Variants in UFL1 observed in about 807,000 individuals in gnomAD.
UFL1 encodes the protein UFM1 specific ligase 1.
A neutral mutation model predicts 99.3 loss-of-function variants in UFL1; 78 were observed. The observed-to-expected ratio is 0.79, with a 90% confidence interval of 0.65 to 0.95. UFL1 has a LOEUF of 0.95. UFL1 is among the 40% of genes least tolerant of loss of function. UFL1 has a pLI of 0.00. For synonymous variants in UFL1, 335 were observed against 322.2 expected (o/e 1.04, Z -0.42); for missense variants, 936 against 937.0 (o/e 1.00, Z 0.01).
chr6:96,539,804 T>C (rs555972601), intron 10 of UFL1, among the ~76,000 whole-genome samples: 28 of 151,628 alleles, frequency 1.8e-4, no homozygotes, highest in Non-Finnish European at 3.7e-4. Flanking sequence ...ACTTTTCTTC[T>C]TTCCTTGGGC....
chr6:96,523,403 C>T lies in UFL1; in HGVS notation c.223+112C>T, dbSNP rs923724149. 9 of 1,147,434 alleles carry T rather than the reference C, an allele frequency of 7.8e-6. No homozygotes were observed. In the African/African-American group the frequency reaches 1.3e-4, roughly 16 times the overall value. The allele number at this position is 1,147,434 out of a possible 1,614,324, so 71.1% of individuals were successfully genotyped here. ...TACTAAATTATAGATTGTAAGATAT[C>T]GTTTTCAATTGTTAATTTGATAATC... is the stretch of plus-strand genomic sequence containing the variant. On this transcript the variant is annotated intron_variant, in intron 2 of 18. Coordinates refer to ENST00000369278, the MANE Select transcript of UFL1 (RefSeq NM_015323.5).
intron 10 of UFL1, among the ~76,000 whole-genome samples, chr6:96,539,081 G>C (rs1055296192): frequency 6.6e-6 from 1 of 151,508 alleles, no homozygotes. Flanking sequence ...CCTGAGGTTG[G>C]TCCAACTTTA....
At chr6:96,547,533 G>A (rs1770017497) in intron 12 of UFL1, among the ~76,000 whole-genome samples, 1 of 151,682 alleles carries the variant, frequency 6.6e-6, no homozygotes, top group Middle Eastern at 3.4e-3. Flanking sequence ...GTTCTTTGAG[G>A]CATTATTCAC....
At chr6:96,524,655 C>T (rs1215382711) in intron 3 of UFL1, among the ~76,000 whole-genome samples, 1 of 152,016 alleles carries the variant, frequency 6.6e-6, no homozygotes, top group Non-Finnish European at 1.5e-5. Context: ...GCCAACTCTT[C>T]CCTAGTTGGC....
intron 13 of UFL1, among the ~76,000 whole-genome samples, 189 bp downstream of exon 13, chr6:96,548,470 G>A (rs1349406570): frequency 6.6e-6 from 1 of 151,566 alleles, no homozygotes; most frequent in African/African-American, 2.4e-5. Flanking sequence ...ATATTTGTTA[G>A]GTGCTTTGGG....
At position 96,551,530 on chromosome 6, in the gene UFL1, T is replaced by C; in HGVS notation, c.1899+17T>C. On this transcript the variant is annotated intron_variant, in intron 16 of 18. Transcript: ENST00000369278. ...AATGAAAAGGTAAGTAAAGTTTTATTCTATTTACATGTCAGGGCTAGCAGT... is the reference window on the plus strand; with the variant it reads ...AATGAAAAGGTAAGTAAAGTTTTATCCTATTTACATGTCAGGGCTAGCAGT... 3 of 1,445,736 alleles carry C rather than the reference T, an allele frequency of 2.1e-6. No homozygotes were observed. Among genetic ancestry groups the C allele is most frequent in the Non-Finnish European group, 2.8e-6 (3 of 1,066,660 alleles). 89.6% of individuals were successfully genotyped at this position (1,445,736 alleles called of 1,614,324 possible).
intron 10 of UFL1, among the ~76,000 whole-genome samples, chr6:96,540,221 T>C (rs1187888853): frequency 6.6e-6 from 1 of 151,414 alleles, no homozygotes; most frequent in African/African-American, 2.4e-5. Flanking sequence ...GGGCATCAAT[T>C]AAGCTGTGGT....
chr6:96,535,283 G>A (rs560728549), intron 7 of UFL1, among the ~76,000 whole-genome samples: 8 of 151,686 alleles, frequency 5.3e-5, no homozygotes, highest in African/African-American at 1.7e-4. Flanking sequence ...CTTTCTTTTT[G>A]CCAATCATCT....
chr6:96,534,482 A>G (rs1769826734), intron 7 of UFL1, among the ~76,000 whole-genome samples, 161 bp downstream of exon 7: 1 of 151,694 alleles, frequency 6.6e-6, no homozygotes, highest in African/African-American at 2.4e-5. Flanking sequence ...ATATGTACCT[A>G]TCTGTTACAC....
rs1198267052 is a variant in UFL1, at chr6:96,554,434, C to A, written c.*931C>A. On this transcript the variant is annotated 3_prime_UTR_variant, in exon 19 of 19. Coordinates refer to ENST00000369278, the MANE Select transcript of UFL1 (RefSeq NM_015323.5). ...AATCATTAGAAGCTTTTTTCCAAAA[C>A]TAGAAACCCTTATTAAAAAATAGAC... The A allele has an allele frequency of 6.6e-6, 1 of 151,896 alleles. No homozygotes were observed. Among genetic ancestry groups the A allele is most frequent in the Non-Finnish European group, 1.5e-5 (1 of 67,966 alleles). 9.4% of individuals were successfully genotyped at this position (151,896 alleles called of 1,614,324 possible).
At position 96,526,488 on chromosome 6, in the gene UFL1, G is replaced by A. The variant is rs1769704617; in HGVS notation, c.465+53G>A. Reference sequence around the variant, plus strand: ...GTCTTTTTACCAAAGGATTTTAAACGAAGACTTTGAATGGAAGGGGGAAAA... The same window carrying A: ...GTCTTTTTACCAAAGGATTTTAAACAAAGACTTTGAATGGAAGGGGGAAAA... On this transcript the variant is annotated intron_variant, in intron 5 of 18. Transcript: ENST00000369278. 7 of 1,435,196 alleles carry A rather than the reference G, an allele frequency of 4.9e-6. No individual in the cohort carries two copies. In the East Asian group the frequency reaches 6.9e-5, roughly 14 times the overall value. The allele number at this position is 1,435,196 out of a possible 1,614,324, so 88.9% of individuals were successfully genotyped here.
In UFL1 at chr6:96,528,593, A is replaced by G. The variant is rs903683987; in HGVS notation, c.557A>G (p.His186Arg). 6.8e-6 allele frequency: 11 copies of G among 1,613,826 alleles called. No individual in the cohort carries two copies. Among genetic ancestry groups the G allele is most frequent in the Non-Finnish European group, 9.3e-6 (11 of 1,179,880 alleles). ...TTTACGGAAGCTTTTGTAGCTCGACATAAAGCACGTATCCGTGGACTATTC... is the reference window on the plus strand; with the variant it reads ...TTTACGGAAGCTTTTGTAGCTCGACGTAAAGCACGTATCCGTGGACTATTC... ...VIFTEAFVAR[H>R]KARIRGLFSA... Residue 186 changes from histidine to arginine, a missense_variant, in exon 6 of 19, where the codon CAT (histidine) becomes CGT (arginine). His to Arg is a conservative substitution (Grantham distance 29). Coordinates refer to ENST00000369278, the MANE Select transcript of UFL1 (RefSeq NM_015323.5).
At chr6:96,523,909 TTTTA>T (rs1769663048) in intron 2 of UFL1, among the ~76,000 whole-genome samples, 1 of 152,184 alleles carries the variant, frequency 6.6e-6, no homozygotes, top group African/African-American at 2.4e-5. Flanking sequence ...CTTTGTCTTT[TTTTA>T]TTTATCTATT....
chr6:96,525,166 G>A (rs1769681031), intron 3 of UFL1, 131 bp from the exon 4 acceptor site: 1 of 639,874 alleles, frequency 1.6e-6, no homozygotes, highest in East Asian at 3.3e-5. Context: ...TCCTCCCAAA[G>A]TGCTGGAATC....
intron 8 of UFL1, 70 bp from the exon 9 acceptor site, chr6:96,537,304 A>C: frequency 7.3e-7 from 1 of 1,376,930 alleles, no homozygotes; most frequent in Non-Finnish European, 9.7e-7. Context: ...ATAACTTTTA[A>C]GTCTTTATTT....
At chr6:96,540,706 A>G in intron 11 of UFL1, 51 bp downstream of exon 11, 1 of 1,563,522 alleles carries the variant, frequency 6.4e-7, no homozygotes, top group Non-Finnish European at 8.6e-7. Flanking sequence ...TGTTGCAGTG[A>G]ACTTTGCATT....
chr6:96,545,321 T>C (rs995596427), intron 12 of UFL1, among the ~76,000 whole-genome samples: 2 of 151,172 alleles, frequency 1.3e-5, no homozygotes, highest in Non-Finnish European at 3.0e-5. Context: ...GCTTTTTTTG[T>C]CTACAACCCA....
intron 15 of UFL1, among the ~76,000 whole-genome samples, chr6:96,550,339 T>TCTCTACCTC (rs1770060701): frequency 6.6e-6 from 1 of 151,822 alleles, no homozygotes; most frequent in Admixed American, 6.6e-5. Flanking sequence ...CCTCCCACCT[T>TCTCTACCTC]CTCTACCTCC....
intron 2 of UFL1, 84 bp downstream of exon 2, chr6:96,523,375 G>T: frequency 7.6e-7 from 1 of 1,315,368 alleles, no homozygotes. Flanking sequence ...ACATGTAATT[G>T]CATACTAAAT....
Sources: gnomAD v4.1 joint callset for allele counts (sites outside exome capture counted in the v4.1 genomes callset) on GRCh38, gnomAD v4.1.1 for gene constraint, MANE v1.5 for transcripts, NCBI Gene and HGNC (gene_info 2026-07-23, HGNC 2026-07-21) for gene names.